The following MIA2 variants were observed in gnomAD, a reference collection of about 807,000 sequenced individuals.
MIA2 encodes melanoma inhibitory activity protein 2.
Under a neutral mutation model 167.8 loss-of-function variants are expected in MIA2, and 127 were observed. The ratio of observed to expected loss-of-function variants is 0.76; its 90% CI spans 0.66 to 0.88. The LOEUF is 0.88. Ranked by LOEUF, MIA2 falls within the 40% of genes least tolerant of loss-of-function variation. The pLI is 0.00. For synonymous variants in MIA2, 552 were observed against 541.9 expected, an observed-to-expected ratio of 1.02 and a Z score of -0.26; for missense variants, 1,690 against 1,624.7, an observed-to-expected ratio of 1.04 and a Z score of -0.69.
chr14:39,336,624 G>A (rs1252930133), intron 25 of MIA2, among the ~76,000 whole-genome samples: 1 of 152,160 alleles, frequency 6.6e-6, no homozygotes, highest in Non-Finnish European at 1.5e-5. Flanking sequence ...TCTTATATGT[G>A]CTTTTAATTA....
intron 1 of MIA2, among the ~76,000 whole-genome samples, chr14:39,235,184 C>T (rs1481223332): frequency 8.6e-5 from 13 of 151,758 alleles, no homozygotes; most frequent in Non-Finnish European, 1.5e-4. Flanking sequence ...TATAGGCGCA[C>T]GCCACCACAC....
intron 25 of MIA2, among the ~76,000 whole-genome samples, chr14:39,330,279 A>G (rs1277798882): frequency 6.6e-6 from 1 of 152,062 alleles, no homozygotes; most frequent in East Asian, 1.9e-4. Flanking sequence ...GTATTCTCTG[A>G]TGGTAGTTTG....
At chr14:39,311,466 C>CTTTTTTTTT (rs35478238) in intron 18 of MIA2, among the ~76,000 whole-genome samples, 1 of 43,322 alleles carries the variant, frequency 2.3e-5, no homozygotes, top group African/African-American at 9.3e-5. Flanking sequence ...TGATGTGTTG[C>CTTTTTTTTT]TTTTTTTTTT....
chr14:39,311,731 C>CT (rs1220520514), intron 18 of MIA2, among the ~76,000 whole-genome samples: 18 of 150,816 alleles, frequency 1.2e-4, no homozygotes, highest in Non-Finnish European at 1.8e-4. Context: ...CTCTAGTGAT[C>CT]TGCCCACCTT....
intron 17 of MIA2, among the ~76,000 whole-genome samples, 158 bp downstream of exon 17, chr14:39,304,539 T>C (rs1331005959): frequency 6.6e-6 from 1 of 152,180 alleles, no homozygotes; most frequent in Non-Finnish European, 1.5e-5. Flanking sequence ...TAGTCCTGGT[T>C]TTTGTTGTCA....
chr14:39,260,919 T>C (rs559417698), intron 6 of MIA2, among the ~76,000 whole-genome samples: 6 of 152,320 alleles, frequency 3.9e-5, no homozygotes, highest in Non-Finnish European at 7.4e-5. Flanking sequence ...TTCAGCTTTC[T>C]ACATATTGCT....
chr14:39,355,812 A>G (rs2074508256), downstream of MIA2, among the ~76,000 whole-genome samples: 3 of 152,214 alleles, frequency 2.0e-5, 1 homozygote, highest in Non-Finnish European at 4.4e-5. Context: ...TGAGATAATC[A>G]TGTGGTTTTT....
intron 18 of MIA2, among the ~76,000 whole-genome samples, chr14:39,310,736 G>A (rs1238675884): frequency 2.6e-5 from 4 of 152,182 alleles, no homozygotes; most frequent in African/African-American, 4.8e-5. Flanking sequence ...AGGATGCTGG[G>A]TAGTGCTTGG....
intron 21 of MIA2, 152 bp downstream of exon 21, chr14:39,315,870 A>G: frequency 1.7e-6 from 1 of 582,596 alleles, no homozygotes; most frequent in Non-Finnish European, 2.9e-6. Context: ...GTTCCTTGTG[A>G]ACTAGTTTGT....
At chr14:39,334,290 C>A (rs2069736077) in intron 25 of MIA2, among the ~76,000 whole-genome samples, 1 of 152,024 alleles carries the variant, frequency 6.6e-6, no homozygotes, top group African/African-American at 2.4e-5. Context: ...GCCTGGCTAA[C>A]ATGGCAAAAC....
intron 25 of MIA2, among the ~76,000 whole-genome samples, chr14:39,332,554 G>A (rs1268540574): frequency 6.6e-6 from 1 of 152,114 alleles, no homozygotes; most frequent in Admixed American, 6.6e-5. Context: ...TTTTTGCCTG[G>A]TTTTTCCTCA....
chr14:39,332,314 G>A lies in MIA2; in HGVS notation c.3655+5292G>A, dbSNP rs987212761. On this transcript the variant is annotated intron_variant, in intron 25 of 28. Coordinates refer to ENST00000640607, the MANE Select transcript of MIA2 (RefSeq NM_001329214.4). The stretch of plus-strand genomic sequence containing the variant: ...GCATCAGGTCATTTATGTTCTTCTC[G>A]AAATTGGTTTTTCCAGTTTGCAATT... Among the ~76,000 whole-genome samples, 3 of 152,052 alleles carry A rather than the reference G, an allele frequency of 2.0e-5. No homozygotes were observed. The East Asian group carries it at 5.8e-4, about 29-fold the overall frequency.
intron 6 of MIA2, chr14:39,266,979 G>C: frequency 1.3e-6 from 1 of 759,076 alleles, no homozygotes; most frequent in Non-Finnish European, 1.6e-6. Context: ...CGGAGTATGA[G>C]GCCGAATCTC....
intron 10 of MIA2, among the ~76,000 whole-genome samples, chr14:39,292,981 A>T (rs564837167): frequency 2.6e-5 from 4 of 152,252 alleles, no homozygotes; most frequent in Admixed American, 2.6e-4. Flanking sequence ...GTTTTGGAAC[A>T]CAGCCATGCT....
intron 28 of MIA2, 134 bp downstream of exon 28, chr14:39,349,111 C>T: frequency 8.5e-7 from 1 of 1,177,136 alleles, no homozygotes; most frequent in South Asian, 1.6e-5. Context: ...TGAAAATTCT[C>T]ATTACTTTTC....
chr14:39,298,103 G>A (rs1357546165), intron 13 of MIA2, among the ~76,000 whole-genome samples: 1 of 151,830 alleles, frequency 6.6e-6, no homozygotes, highest in Non-Finnish European at 1.5e-5. Flanking sequence ...AGTAGAAAGT[G>A]GTGGTAAACC....
At chr14:39,283,999 C>T (rs1321656181) in intron 9 of MIA2, among the ~76,000 whole-genome samples, 3 of 152,030 alleles carry the variant, frequency 2.0e-5, no homozygotes, top group Non-Finnish European at 4.4e-5. Flanking sequence ...TGCAGCTTCA[C>T]CTCAAAGGAA....
chr14:39,234,678 G>A (rs533272791), intron 1 of MIA2, among the ~76,000 whole-genome samples: 70 of 151,892 alleles, frequency 4.6e-4, no homozygotes, highest in African/African-American at 1.5e-3. Context: ...TTCTCATGAC[G>A]TTCCTAAAAA....
chr14:39,351,728 C>T (rs757512801), downstream of MIA2, among the ~76,000 whole-genome samples: 4 of 152,166 alleles, frequency 2.6e-5, no homozygotes, highest in Admixed American at 6.5e-5. Flanking sequence ...ACCGCAGTCT[C>T]CCAAGTAGCT....
Sources: gnomAD v4.1 joint callset for allele counts (sites outside exome capture counted in the v4.1 genomes callset) on GRCh38, gnomAD v4.1.1 for gene constraint, MANE v1.5 for transcripts, NCBI Gene and HGNC (gene_info 2026-07-23, HGNC 2026-07-21) for gene names.